DISC1: variants seen among roughly 807,000 people sequenced by gnomAD.
The protein encoded by DISC1 is disrupted in schizophrenia 1 protein.
Under a neutral mutation model 84.5 loss-of-function variants are expected in DISC1, and 57 were observed. That is an observed-to-expected ratio of 0.67 (90% CI 0.55 to 0.84). DISC1 has a LOEUF of 0.84. Among genes scored for constraint, DISC1 ranks in the 40% least tolerant of loss-of-function variants. The probability of loss-of-function intolerance (pLI) is 0.00; values close to 1 mark genes in which losing one functional copy is unlikely to be tolerated. For synonymous variants in DISC1, 411 were observed against 415.2 expected, an observed-to-expected ratio of 0.99 and a Z score of 0.12; for missense variants, 1,000 against 1,057.8, an observed-to-expected ratio of 0.95 and a Z score of 0.76.
At chr1:232,016,828 C>T (rs971623792) in intron 11 of DISC1, among the ~76,000 whole-genome samples, 1 of 152,174 alleles carries the variant, frequency 6.6e-6, no homozygotes, top group Non-Finnish European at 1.5e-5. Flanking sequence ...CCACTGACGA[C>T]ATCTGGATGC....
chr1:231,827,598 T>C (rs971613526), intron 9 of DISC1, among the ~76,000 whole-genome samples: 1 of 152,156 alleles, frequency 6.6e-6, no homozygotes, highest in African/African-American at 2.4e-5. Context: ...TCATCACTTG[T>C]TGCTAATTTG....
intron 6 of DISC1, chr1:231,771,289 T>C: frequency 1.0e-6 from 1 of 984,098 alleles, no homozygotes; most frequent in African/African-American, 1.7e-5. Context: ...ACCCACTAAA[T>C]GCCAGCGACC....
chr1:231,932,797 G>A (rs2090747401), intron 9 of DISC1, among the ~76,000 whole-genome samples: 1 of 152,108 alleles, frequency 6.6e-6, no homozygotes, highest in African/African-American at 2.4e-5. Context: ...AATGTATCCT[G>A]TAGTAGATGC....
At chr1:231,893,247 C>G (rs1361273976) in intron 9 of DISC1, among the ~76,000 whole-genome samples, 12 of 151,570 alleles carry the variant, frequency 7.9e-5, no homozygotes, top group Non-Finnish European at 1.8e-4. Context: ...AAGTTAATAG[C>G]AGGAGATAAG....
At chr1:231,643,555 G>T (rs1172628957) in intron 1 of DISC1, among the ~76,000 whole-genome samples, 1 of 152,154 alleles carries the variant, frequency 6.6e-6, no homozygotes, top group Non-Finnish European at 1.5e-5. Flanking sequence ...CAGATGTGTA[G>T]AGTTTCAAGT....
At chr1:231,936,094 C>G (rs1402834880) in intron 9 of DISC1, among the ~76,000 whole-genome samples, 3 of 152,120 alleles carry the variant, frequency 2.0e-5, no homozygotes, top group Non-Finnish European at 2.9e-5. Context: ...ACGTCCTGAG[C>G]TTGTGAAAGT....
At chr1:231,830,265 G>C (rs2082130890) in intron 9 of DISC1, among the ~76,000 whole-genome samples, 1 of 152,136 alleles carries the variant, frequency 6.6e-6, no homozygotes, top group Non-Finnish European at 1.5e-5. Context: ...GGAAGATTTT[G>C]TGGTAAAGGG....
chr1:231,843,853 G>A (rs983335072), intron 9 of DISC1, among the ~76,000 whole-genome samples: 2 of 152,204 alleles, frequency 1.3e-5, no homozygotes, highest in Non-Finnish European at 2.9e-5. Flanking sequence ...GAGATGTTCA[G>A]TGGAGAGCTG....
chr1:231,980,161 C>T (rs1663388258), intron 10 of DISC1, among the ~76,000 whole-genome samples: 1 of 152,110 alleles, frequency 6.6e-6, no homozygotes, highest in Non-Finnish European at 1.5e-5. Context: ...AATTTTTATC[C>T]TTCTACTGCT....
At chr1:231,889,651 T>C (rs1381806967) in intron 9 of DISC1, among the ~76,000 whole-genome samples, 4 of 152,172 alleles carry the variant, frequency 2.6e-5, no homozygotes, top group Non-Finnish European at 5.9e-5. Flanking sequence ...ACAGTGGAAG[T>C]GATCCCACTG....
chr1:231,913,255 C>T (rs972514822), intron 9 of DISC1, among the ~76,000 whole-genome samples: 2 of 152,262 alleles, frequency 1.3e-5, no homozygotes, highest in Non-Finnish European at 2.9e-5. Context: ...TCTAGCTTGC[C>T]CCCAGTGGCT....
chr1:231,716,798 A>C (rs1312431104), intron 3 of DISC1, among the ~76,000 whole-genome samples: 2 of 152,144 alleles, frequency 1.3e-5, no homozygotes, highest in Non-Finnish European at 2.9e-5. Flanking sequence ...GGTCATTTAC[A>C]AACATGGAGT....
At chr1:231,893,347 A>G (rs756459909) in intron 9 of DISC1, among the ~76,000 whole-genome samples, 1 of 152,228 alleles carries the variant, frequency 6.6e-6, no homozygotes, top group Non-Finnish European at 1.5e-5. Flanking sequence ...AGAAAGCTTT[A>G]AATGCAATAT....
intron 1 of DISC1, among the ~76,000 whole-genome samples, chr1:231,663,389 G>A (rs1458089534): frequency 6.6e-6 from 1 of 152,108 alleles, no homozygotes; most frequent in East Asian, 1.9e-4. Flanking sequence ...GCAGTATGTG[G>A]GCTAGTCCAG....
intron 11 of DISC1, among the ~76,000 whole-genome samples, chr1:232,012,172 G>A (rs1208356674): frequency 6.6e-6 from 1 of 152,164 alleles, no homozygotes; most frequent in Non-Finnish European, 1.5e-5. Context: ...CTATTTGTTT[G>A]TATGACTCAG....
At chr1:231,973,357 G>T (rs1052814202) in intron 10 of DISC1, among the ~76,000 whole-genome samples, 40 of 152,044 alleles carry the variant, frequency 2.6e-4, no homozygotes, top group Non-Finnish European at 5.0e-4. Flanking sequence ...CCAATGTCTT[G>T]TTCTTTAAAG....
chr1:231,628,412 G>A (rs962090552), intron 1 of DISC1, among the ~76,000 whole-genome samples: 7 of 152,216 alleles, frequency 4.6e-5, no homozygotes, highest in Admixed American at 3.9e-4. Context: ...GAGTCACTAT[G>A]CACATATAAG....
chr1:231,722,631 A>G, intron 3 of DISC1: 1 of 1,614,098 alleles, frequency 6.2e-7, no homozygotes, highest in Non-Finnish European at 8.5e-7. Flanking sequence ...ACAAAGCAAG[A>G]CAAATAGATA....
At chr1:231,926,911 AT>A (rs1558742501) in intron 9 of DISC1, among the ~76,000 whole-genome samples, 1 of 152,212 alleles carries the variant, frequency 6.6e-6, no homozygotes, top group Non-Finnish European at 1.5e-5. Flanking sequence ...GGGAGGAAGC[AT>A]TGTCTTCATC....
Sources: gnomAD v4.1 joint callset for allele counts (sites outside exome capture counted in the v4.1 genomes callset) on GRCh38, gnomAD v4.1.1 for gene constraint, MANE v1.5 for transcripts, NCBI Gene and HGNC (gene_info 2026-07-23, HGNC 2026-07-21) for gene names.